DAPK1: variants seen among roughly 807,000 people sequenced by gnomAD.
DAPK1 encodes death-associated protein kinase 1.
In DAPK1, 56 loss-of-function variants were observed where a neutral mutation model predicts 144.9. That is an observed-to-expected ratio of 0.39 (90% confidence interval 0.31 to 0.48). The LOEUF (loss-of-function observed/expected upper bound fraction) is 0.48, where lower values mean the gene tolerates loss of function less well. DAPK1 is among the 20% of genes least tolerant of loss of function. The pLI is 0.95. For synonymous variants in DAPK1, 690 were observed against 749.0 expected (o/e 0.92, Z 1.29); for missense variants, 1,454 against 1,875.4 (o/e 0.78, Z 4.15).
intron 2 of DAPK1, among the ~76,000 whole-genome samples, chr9:87,563,610 G>T (rs1400348775): frequency 6.6e-6 from 1 of 152,198 alleles, no homozygotes; most frequent in Non-Finnish European, 1.5e-5. Context: ...ATGTAAAGAT[G>T]CTCTGTCAAG....
intron 3 of DAPK1, among the ~76,000 whole-genome samples, chr9:87,613,499 C>G (rs1828997044): frequency 6.6e-6 from 1 of 152,206 alleles, no homozygotes; most frequent in Admixed American, 6.5e-5. Flanking sequence ...AGTTGGCTCA[C>G]TCTCTCATAA....
At chr9:87,651,328 G>A (rs1830435806) in intron 16 of DAPK1, among the ~76,000 whole-genome samples, 199 bp from the exon 17 acceptor site, 1 of 152,198 alleles carries the variant, frequency 6.6e-6, no homozygotes, top group Admixed American at 6.5e-5. Context: ...ATTTAGAGAG[G>A]AATATGTAAA....
intron 2 of DAPK1, among the ~76,000 whole-genome samples, chr9:87,510,135 CGTT>C (rs1226410159): frequency 6.6e-6 from 1 of 152,140 alleles, no homozygotes; most frequent in East Asian, 1.9e-4. Context: ...CAGGATGAAA[CGTT>C]GTCAGTCTGT....
chr9:87,591,001 G>A (rs1828113395), intron 2 of DAPK1, among the ~76,000 whole-genome samples: 1 of 152,154 alleles, frequency 6.6e-6, no homozygotes, highest in Non-Finnish European at 1.5e-5. Context: ...CCTTTCAAGG[G>A]CCAATTACAA....
chr9:87,646,032 C>A lies in DAPK1; in HGVS notation c.1131+18C>A. On this transcript the variant is annotated intron_variant, in intron 12 of 25. Coordinates refer to ENST00000408954, the MANE Select transcript of DAPK1 (RefSeq NM_004938.4). ...CCAACAAGGTCTGGTTCTGTTCTGC[C>A]GCATACTGGAGGGGTGGGTCACAGC... 1.9e-6 allele frequency: 3 copies of A among 1,611,054 alleles called. No homozygotes were observed. In the East Asian group the frequency reaches 6.7e-5, roughly 36 times the overall value.
chr9:87,599,803 T>C (rs901785840), intron 2 of DAPK1, among the ~76,000 whole-genome samples: 1 of 152,250 alleles, frequency 6.6e-6, no homozygotes, highest in Non-Finnish European at 1.5e-5. Flanking sequence ...ACCATTGCTC[T>C]TAGGAGAAAT....
At chr9:87,598,100 C>A (rs569954617) in intron 2 of DAPK1, among the ~76,000 whole-genome samples, 1 of 152,328 alleles carries the variant, frequency 6.6e-6, no homozygotes, top group Admixed American at 6.5e-5. Flanking sequence ...CCTTGAGAAA[C>A]CGTTTCTGTT....
At chr9:87,628,597 A>G (rs1388519033) in intron 3 of DAPK1, among the ~76,000 whole-genome samples, 1 of 152,186 alleles carries the variant, frequency 6.6e-6, no homozygotes, top group Non-Finnish European at 1.5e-5. Context: ...CTAAATTAAC[A>G]GGAAAGAACA....
At chr9:87,600,754 C>T (rs546359761) in intron 2 of DAPK1, among the ~76,000 whole-genome samples, 1 of 152,278 alleles carries the variant, frequency 6.6e-6, no homozygotes, top group South Asian at 2.1e-4. Context: ...TTGAACAGCC[C>T]CAGCTGTATT....
At chr9:87,606,161 G>A (rs1828708533) in intron 3 of DAPK1, among the ~76,000 whole-genome samples, 1 of 152,208 alleles carries the variant, frequency 6.6e-6, no homozygotes, top group Non-Finnish European at 1.5e-5. Context: ...GGGGTAAGAA[G>A]AGATTTTCAA....
intron 18 of DAPK1, among the ~76,000 whole-genome samples, chr9:87,665,324 T>C (rs1026366066): frequency 1.9e-4 from 29 of 152,060 alleles, no homozygotes; most frequent in African/African-American, 6.8e-4. Flanking sequence ...TAGATGAAAG[T>C]ATGAAGGAAG....
At chr9:87,588,021 A>T (rs759002776) in intron 2 of DAPK1, among the ~76,000 whole-genome samples, 1 of 152,264 alleles carries the variant, frequency 6.6e-6, no homozygotes, top group Non-Finnish European at 1.5e-5. Flanking sequence ...TATGGTTAAT[A>T]CGTTGTTTGT....
chr9:87,662,576 T>TTTTTTTTTTG (rs1830898931), intron 18 of DAPK1, among the ~76,000 whole-genome samples: 1 of 141,734 alleles, frequency 7.1e-6, no homozygotes, highest in Non-Finnish European at 1.5e-5. Flanking sequence ...TTTTTTTTTT[T>TTTTTTTTTTG]TTTTTTTTTG....
intron 2 of DAPK1, among the ~76,000 whole-genome samples, chr9:87,581,242 T>G (rs781196365): frequency 5.3e-5 from 8 of 152,200 alleles, no homozygotes; most frequent in Non-Finnish European, 8.8e-5. Context: ...ACTGCATAGT[T>G]GTGCCTTTGT....
At chr9:87,522,964 C>T (rs1825354365) in intron 2 of DAPK1, among the ~76,000 whole-genome samples, 1 of 152,162 alleles carries the variant, frequency 6.6e-6, no homozygotes, top group Non-Finnish European at 1.5e-5. Flanking sequence ...TTTGTAGGAG[C>T]TCTTTATCTA....
chr9:87,638,727 C>G (rs1193778683), intron 4 of DAPK1, among the ~76,000 whole-genome samples: 3 of 152,186 alleles, frequency 2.0e-5, no homozygotes, highest in African/African-American at 4.8e-5. Flanking sequence ...ACCAGTAGAG[C>G]TGGGATAGGA....
intron 7 of DAPK1, 38 bp from the exon 8 acceptor site, chr9:87,640,260 C>T (rs767724376): frequency 2.9e-5 from 46 of 1,588,668 alleles, no homozygotes. Flanking sequence ...ACCAAGGGGT[C>T]ATCATTAATG....
At chr9:87,520,369 G>A (rs148205049) in intron 2 of DAPK1, among the ~76,000 whole-genome samples, 16 of 152,306 alleles carry the variant, frequency 1.1e-4, no homozygotes, top group Non-Finnish European at 1.9e-4. Context: ...GTGAGGCTGT[G>A]AAAGGACCTT....
chr9:87,662,560 G>GTTTTTTTTTTTTCTTTTTTTTTTTTTTTT (rs1830889392), intron 18 of DAPK1, among the ~76,000 whole-genome samples: 1 of 32,154 alleles, frequency 3.1e-5, no homozygotes, highest in African/African-American at 1.5e-4. Context: ...TATATTCCTA[G>GTTTTTTTTTTTTCTTTTTTTTTTTTTTTT]TTTTTTTTTT....
Sources: gnomAD v4.1 joint callset for allele counts (sites outside exome capture counted in the v4.1 genomes callset) on GRCh38, gnomAD v4.1.1 for gene constraint, MANE v1.5 for transcripts, NCBI Gene and HGNC (gene_info 2026-07-23, HGNC 2026-07-21) for gene names.